Variants in PPARGC1A observed in about 807,000 individuals in gnomAD.
The protein encoded by PPARGC1A is peroxisome proliferator-activated receptor gamma coactivator 1-alpha.
In PPARGC1A, 25 loss-of-function variants were observed where a neutral mutation model predicts 88.7. The observed-to-expected ratio is 0.28, with a 90% CI of 0.21 to 0.39. The LOEUF (loss-of-function observed/expected upper bound fraction) is 0.39. PPARGC1A is among the 10% of genes least tolerant of loss of function. PPARGC1A has a pLI of 1.00. For missense variants in PPARGC1A, 880 were observed against 968.7 expected (o/e 0.91, Z 1.22); for synonymous variants, 363 against 355.6 (o/e 1.02, Z -0.24).
chr4:24,199,094 T>C, the PPARGC1A span, among the ~76,000 whole-genome samples: 423 of 152,268 alleles, frequency 2.8e-3, no homozygotes, highest in African/African-American at 9.5e-3. Context: ...GGAAGAAGGA[T>C]GTATACTGTC....
At chr4:24,172,999 G>A in the PPARGC1A span, among the ~76,000 whole-genome samples, 9 of 152,200 alleles carry the variant, frequency 5.9e-5, no homozygotes, top group East Asian at 9.6e-4. Flanking sequence ...ATTACTTTTC[G>A]AACATTGTAT....
At chr4:24,285,659 C>T in the PPARGC1A span, among the ~76,000 whole-genome samples, 3 of 152,192 alleles carry the variant, frequency 2.0e-5, no homozygotes, top group African/African-American at 7.2e-5. Context: ...ATAATCTTAT[C>T]CCCAAAGCCT....
At chr4:23,818,427 G>A (rs1298801155) in intron 7 of PPARGC1A, among the ~76,000 whole-genome samples, 1 of 152,122 alleles carries the variant, frequency 6.6e-6, no homozygotes, top group Non-Finnish European at 1.5e-5. Context: ...GCTGTGCAGA[G>A]CAACAAATGG....
chr4:24,124,274 T>C, the PPARGC1A span, among the ~76,000 whole-genome samples: 3 of 152,096 alleles, frequency 2.0e-5, no homozygotes, highest in East Asian at 5.8e-4. Context: ...TAGTCAGAAG[T>C]AAAGTAAATT....
At chr4:23,968,807 A>G in the PPARGC1A span, among the ~76,000 whole-genome samples, 24 of 151,916 alleles carry the variant, frequency 1.6e-4, no homozygotes, top group Admixed American at 2.6e-4. Context: ...CTCAGCTACT[A>G]AGGAGGCTGA....
At chr4:24,471,499 G>T in the PPARGC1A span, among the ~76,000 whole-genome samples, 11 of 152,124 alleles carry the variant, frequency 7.2e-5, no homozygotes, top group African/African-American at 2.7e-4. The surrounding 1 kb of genome is among the most constrained non-coding windows in gnomAD (Gnocchi z 5.4). Flanking sequence ...TAATTAAAAG[G>T]CATTTTTCCT....
the PPARGC1A span, among the ~76,000 whole-genome samples, chr4:24,418,007 T>C: frequency 6.6e-6 from 1 of 151,620 alleles, no homozygotes; most frequent in Admixed American, 6.6e-5. Context: ...GAATATTTAT[T>C]ATATATACAT....
chr4:24,012,985 C>T, the PPARGC1A span, among the ~76,000 whole-genome samples: 1 of 152,246 alleles, frequency 6.6e-6, no homozygotes, highest in African/African-American at 2.4e-5. Context: ...TATTCTCCCA[C>T]ATTTTTGTTT....
At chr4:24,002,002 T>C in the PPARGC1A span, among the ~76,000 whole-genome samples, 1 of 151,638 alleles carries the variant, frequency 6.6e-6, no homozygotes, top group African/African-American at 2.4e-5. Context: ...CAGCCAAACA[T>C]CCTGGCCGTC....
intron 2 of PPARGC1A, among the ~76,000 whole-genome samples, chr4:23,849,061 A>G (rs1370853198): frequency 6.6e-6 from 1 of 152,014 alleles, no homozygotes; most frequent in African/African-American, 2.4e-5. Flanking sequence ...GGAGAATGGC[A>G]TGAACCCGGG....
chr4:24,233,915 A>T, the PPARGC1A span, among the ~76,000 whole-genome samples: 1 of 152,222 alleles, frequency 6.6e-6, no homozygotes, highest in African/African-American at 2.4e-5. Flanking sequence ...TGTGACAGAG[A>T]TGAGAACTTT....
chr4:24,125,007 A>C, the PPARGC1A span, among the ~76,000 whole-genome samples: 1 of 152,168 alleles, frequency 6.6e-6, no homozygotes, highest in Non-Finnish European at 1.5e-5. Flanking sequence ...ACATGGGATA[A>C]GAATTAATCC....
chr4:24,247,654 C>T, the PPARGC1A span, among the ~76,000 whole-genome samples: 2 of 152,132 alleles, frequency 1.3e-5, no homozygotes, highest in Non-Finnish European at 2.9e-5. Context: ...GAAACACACT[C>T]GAGGTAGTTG....
chr4:24,078,935 TCTC>T, the PPARGC1A span, among the ~76,000 whole-genome samples: 66 of 152,170 alleles, frequency 4.3e-4, 1 homozygote, highest in East Asian at 6.6e-3. Context: ...TCAAAAGCAT[TCTC>T]CTCCATACTG....
At chr4:24,328,010 C>G in the PPARGC1A span, among the ~76,000 whole-genome samples, 2 of 152,048 alleles carry the variant, frequency 1.3e-5, no homozygotes, top group Non-Finnish European at 2.9e-5. Flanking sequence ...CACCTTGTGA[C>G]CCCTGCCCCT....
the PPARGC1A span, among the ~76,000 whole-genome samples, chr4:24,026,908 T>C: frequency 6.6e-6 from 1 of 152,184 alleles, no homozygotes; most frequent in Middle Eastern, 3.4e-3. Flanking sequence ...AATTGCTCTG[T>C]TGGGCCTCCT....
chr4:24,030,362 C>T, the PPARGC1A span, among the ~76,000 whole-genome samples: 4 of 152,096 alleles, frequency 2.6e-5, no homozygotes, highest in Non-Finnish European at 5.9e-5. Context: ...ACATTGGGGG[C>T]GTCATTTATA....
At chr4:23,973,945 A>T in the PPARGC1A span, among the ~76,000 whole-genome samples, 2 of 151,916 alleles carry the variant, frequency 1.3e-5, no homozygotes, top group Non-Finnish European at 2.9e-5. Context: ...GGCAAAAAAT[A>T]AAAAATAATA....
At chr4:24,046,367 T>C in the PPARGC1A span, among the ~76,000 whole-genome samples, 5,638 of 152,246 alleles carry the variant, frequency 0.037, 155 homozygotes, top group Middle Eastern at 0.11. Flanking sequence ...CATCCAGTCA[T>C]TTGCAACCCT....
Sources: gnomAD v4.1 joint callset for allele counts (sites outside exome capture counted in the v4.1 genomes callset) on GRCh38, gnomAD v4.1.1 for gene constraint, Gnocchi (gnomAD v3.1) non-coding constraint, MANE v1.5 for transcripts, NCBI Gene and HGNC (gene_info 2026-07-23, HGNC 2026-07-21) for gene names.